Variants in ZNF433 observed in about 807,000 individuals in gnomAD.
ZNF433 encodes zinc finger protein 433.
Under a neutral mutation model 10.6 loss-of-function variants are expected in ZNF433, and 12 were observed. The observed-to-expected ratio is 1.13, with a 90% CI of 0.72 to 1.83. The LOEUF (loss-of-function observed/expected upper bound fraction) is 1.83. Among genes scored for constraint, ZNF433 ranks in the 40% most tolerant of loss-of-function variants. The probability of loss-of-function intolerance (pLI) is 0.00; values close to 1 mark genes in which losing one functional copy is unlikely to be tolerated. For synonymous variants in ZNF433, 272 were observed against 271.3 expected (o/e 1.00, Z -0.02); for missense variants, 737 against 798.0 (o/e 0.92, Z 0.92).
At chr19:12,022,269 C>G (rs1385182115) in intron 1 of ZNF433, 2 of 279,156 alleles carry the variant, frequency 7.2e-6, no homozygotes, top group Non-Finnish European at 1.5e-5. Context: ...GAGCCCATCC[C>G]TTTGTTTCAG....
rs775555678 is a variant in ZNF433 at position 12,015,915 on chromosome 19, C to T, written c.943G>A (p.Ala315Thr). ...KPYECKECGK[A>T]FKCPSSVRRH... ...CGAACAGAACTGGGACACTTGAATGCTTTTCCACATTCCTTACATTCATAT... is the reference window on the plus strand; with the variant it reads ...CGAACAGAACTGGGACACTTGAATGTTTTTCCACATTCCTTACATTCATAT... Residue 315 changes from alanine (A) to threonine (T), a missense_variant, in exon 4 of 4, where the codon GCA becomes ACA. Physicochemically the swap from Ala to Thr is moderately conservative, Grantham distance 58 (BLOSUM62 0). Transcript: ENST00000550507. The T allele has an allele frequency of 1.2e-6, 2 of 1,613,030 alleles. No homozygotes were observed. The highest frequency in any genetic ancestry group is 2.7e-5 in the African/African-American group (2 of 74,652).
At chr19:12,028,478 A>G (rs1974845450) in intron 1 of ZNF433, among the ~76,000 whole-genome samples, 2 of 152,236 alleles carry the variant, frequency 1.3e-5, no homozygotes, top group Non-Finnish European at 2.9e-5. Context: ...ATCATTCGCA[A>G]TACTGGCTCC....
At position 12,014,735 on chromosome 19, in the gene ZNF433, T is replaced by TTTTA; in HGVS notation, c.*106_*109dup. 1 of 830,070 alleles carries TTTTA rather than the reference T, an allele frequency of 1.2e-6. No homozygotes were observed. The highest frequency in any genetic ancestry group is 1.8e-6 in the Non-Finnish European group (1 of 564,940). 51.4% of individuals were successfully genotyped at this position (830,070 alleles called of 1,614,324 possible). The stretch of plus-strand genomic sequence containing the variant: ...TGCCATTACCACCAACTGGAAGTCT[T>TTTTA]TTTATTTATTTATTTAATTTTTATA... On this transcript the variant is annotated 3_prime_UTR_variant, in exon 4 of 4. Transcript: ENST00000550507.
At chr19:12,022,173 A>T in intron 1 of ZNF433, 1 of 387,464 alleles carries the variant, frequency 2.6e-6, no homozygotes, top group African/African-American at 2.1e-5. Context: ...AGGGTAGAAA[A>T]CCACTTAAAG....
chr19:12,019,033 G>C (rs578249753), intron 1 of ZNF433, among the ~76,000 whole-genome samples: 158 of 122,628 alleles, frequency 1.3e-3, no homozygotes, highest in Admixed American at 1.9e-3. Flanking sequence ...CTGAGTGACA[G>C]AGCAAGACTC....
At chr19:12,018,126 T>C (rs749444647) in intron 2 of ZNF433, 40 bp downstream of exon 2, 4 of 1,529,040 alleles carry the variant, frequency 2.6e-6, no homozygotes, top group South Asian at 1.3e-5. Flanking sequence ...AAAAAACTTG[T>C]TGTCTCATTT....
chr19:12,033,884 T>G (rs1265729050), intron 1 of ZNF433, among the ~76,000 whole-genome samples: 2 of 152,154 alleles, frequency 1.3e-5, no homozygotes, highest in African/African-American at 4.8e-5. Context: ...AGAGTTGGTG[T>G]CTGCAAATTT....
rs376790622 is a variant in ZNF433, at chr19:12,035,591, A to G, written c.-52T>C. 2.0e-5 allele frequency: 31 copies of G among 1,556,576 alleles called. No individual in the cohort carries two copies. In the African/African-American group the frequency reaches 4.2e-4, roughly 21 times the overall value. On this transcript the variant is annotated 5_prime_UTR_variant, in exon 1 of 4. Coordinates refer to ENST00000550507, the MANE Select transcript of ZNF433 (RefSeq NM_001308348.2). ...ACCAGTGCGGGTCACAGCACAGGCG[A>G]CAGAAGCTATGGCAGAGGCACCTGA...
intron 1 of ZNF433, chr19:12,034,844 A>C (rs764829830): frequency 3.7e-5 from 17 of 453,944 alleles, no homozygotes; most frequent in Non-Finnish European, 7.5e-5. Context: ...CCAGGCATTG[A>C]TGCATGATTC....
chr19:12,023,673 CAG>C (rs1974604616), intron 1 of ZNF433: 1 of 152,262 alleles, frequency 6.6e-6, no homozygotes, highest in African/African-American at 2.4e-5. Flanking sequence ...CTCAATTTAA[CAG>C]AGTTGGAGTT....
At chr19:12,017,310 C>A (rs546578553) in intron 3 of ZNF433, among the ~76,000 whole-genome samples, 1 of 151,866 alleles carries the variant, frequency 6.6e-6, no homozygotes, top group South Asian at 2.1e-4. Flanking sequence ...TCAAGCGATT[C>A]TCCTGCCTCA....
Position 12,014,782 on chromosome 19 carries a change from C to T in ZNF433, c.*63G>A. The T allele has an allele frequency of 8.0e-7, 1 of 1,249,770 alleles. No individual in the cohort carries two copies. Among genetic ancestry groups the T allele is most frequent in the Non-Finnish European group, 1.1e-6 (1 of 917,092 alleles). The allele number at this position is 1,249,770 out of a possible 1,614,324, so 77.4% of individuals were successfully genotyped here. A position where few individuals can be genotyped will look rare whatever the true frequency, so the allele number is the denominator to read the frequency against. The stretch of plus-strand genomic sequence containing the variant: ...TATAACAGAGTCTCACTATGTTGCC[C>T]AGGCTGGTCTTGAACTCCTGGGCTT... On this transcript the variant is annotated 3_prime_UTR_variant, in exon 4 of 4. Transcript: ENST00000550507.
chr19:12,018,253 G>T lies in ZNF433; in HGVS notation c.43C>A (p.Gln15Lys), dbSNP rs146296418. The T allele has an allele frequency of 8.4e-5, 135 of 1,613,592 alleles. No individual in the cohort carries two copies. The African/African-American group carries it at 1.6e-3, about 20-fold the overall frequency. ...AFEDVAVTFT[Q>K]EEWALLDPSQ... ...GGATCCAGCAAAGCCCACTCCTCTTGGGTGAAGGTCACAGCCACATCCTCA... is the reference window on the plus strand; with the variant it reads ...GGATCCAGCAAAGCCCACTCCTCTTTGGTGAAGGTCACAGCCACATCCTCA... The change falls in exon 2 of 4, where the codon CAA becomes AAA. Residue 15 changes from glutamine (Q) to lysine (K), a missense_variant. Physicochemically the swap from Gln to Lys is moderately conservative, Grantham distance 53. Coordinates refer to ENST00000550507, the MANE Select transcript of ZNF433 (RefSeq NM_001308348.2).
intron 1 of ZNF433, among the ~76,000 whole-genome samples, chr19:12,031,314 AAC>A: frequency 2.4e-5 from 3 of 126,024 alleles, no homozygotes; most frequent in African/African-American, 1.5e-4. Flanking sequence ...AAAAAAACAA[AAC>A]AAAAAAAAAA....
At position 12,015,883 on chromosome 19, in the gene ZNF433, A is replaced by T. The variant is rs770338125; in HGVS notation, c.975T>A (p.His325Gln). ...AFKCPSSVRRHERTHSRKKPY... is the reference protein window; with the variant it reads ...AFKCPSSVRRQERTHSRKKPY... ...GTTTTTTCCTAGAGTGGGTTCTTTC[A>T]TGTCTGCGAACAGAACTGGGACACT... Residue 325 changes from histidine (H) to glutamine (Q), a missense_variant, in exon 4 of 4, where the codon CAT becomes CAA. Transcript: ENST00000550507. The T allele has an allele frequency of 1.9e-6, 3 of 1,613,734 alleles. No homozygotes were observed. The highest frequency in any genetic ancestry group is 2.5e-6 in the Non-Finnish European group (3 of 1,179,908).
chr19:12,017,995 A>T, intron 2 of ZNF433, 59 bp from the exon 3 acceptor site: 1 of 1,364,512 alleles, frequency 7.3e-7, no homozygotes, highest in Non-Finnish European at 1.0e-6. Flanking sequence ...AAAAAATTAC[A>T]TGATTCTATG....
chr19:12,022,250 A>G, intron 1 of ZNF433: 1 of 318,554 alleles, frequency 3.1e-6, no homozygotes, highest in Non-Finnish European at 6.5e-6. Context: ...TGCTGCAGAT[A>G]ACTAGCCAGA....
chr19:12,016,086 T>TC lies in ZNF433; in HGVS notation c.771dup (p.Lys258GlufsTer5), dbSNP rs1974177882. The TC allele has an allele frequency of 4.3e-6, 7 of 1,614,178 alleles. No individual in the cohort carries two copies. Among genetic ancestry groups the TC allele is most frequent in the Non-Finnish European group, 5.9e-6 (7 of 1,180,024 alleles). On this transcript the variant is annotated frameshift_variant, in exon 4 of 4. Coordinates refer to ENST00000550507, the MANE Select transcript of ZNF433 (RefSeq NM_001308348.2). LOFTEE classifies it low-confidence loss of function (END_TRUNC). ...AGGCATGTGGAACTATGGAATGCTT[T>TC]CCCACATTCATTACATTTATAAGGC... is the stretch of plus-strand genomic sequence containing the variant.
chr19:12,034,054 T>C (rs1217174444), intron 1 of ZNF433, among the ~76,000 whole-genome samples: 1 of 152,102 alleles, frequency 6.6e-6, no homozygotes, highest in East Asian at 1.9e-4. Flanking sequence ...AAGAAGTAAT[T>C]AAACTTAATG....
Sources: gnomAD v4.1 joint callset for allele counts (sites outside exome capture counted in the v4.1 genomes callset) on GRCh38, gnomAD v4.1.1 for gene constraint, MANE v1.5 for transcripts, NCBI Gene and HGNC (gene_info 2026-07-23, HGNC 2026-07-21) for gene names.